Variants in PREP observed in about 807,000 individuals in gnomAD.
PREP encodes the protein dJ355L5.1 (prolyl endopeptidase).
In PREP, 29 loss-of-function variants were observed where a neutral mutation model predicts 87.6. That is an observed-to-expected ratio of 0.33 (90% CI 0.25 to 0.45). PREP has a LOEUF of 0.45. PREP is among the 20% of genes least tolerant of loss of function. PREP has a pLI of 1.00. For missense variants in PREP, 695 were observed against 886.5 expected (o/e 0.78, Z 2.74); for synonymous variants, 337 against 328.6 (o/e 1.03, Z -0.28).
intron 7 of PREP, among the ~76,000 whole-genome samples, chr6:105,344,239 C>T (rs1420410439): frequency 2.0e-5 from 3 of 152,070 alleles, no homozygotes; most frequent in Admixed American, 6.5e-5. Flanking sequence ...GCCTGTAATC[C>T]CAGCACTTTG....
At chr6:105,293,329 A>G (rs1229973916) in intron 10 of PREP, among the ~76,000 whole-genome samples, 1 of 152,182 alleles carries the variant, frequency 6.6e-6, no homozygotes, top group African/African-American at 2.4e-5. Context: ...GAGACAGGAA[A>G]TGGTCAGTGG....
At chr6:105,291,498 A>G (rs1321256699) in intron 10 of PREP, among the ~76,000 whole-genome samples, 1 of 152,176 alleles carries the variant, frequency 6.6e-6, no homozygotes, top group African/African-American at 2.4e-5. Flanking sequence ...GCACAATCTA[A>G]TCAGCTTCTA....
intron 7 of PREP, among the ~76,000 whole-genome samples, chr6:105,344,360 C>T (rs1196350843): frequency 1.1e-4 from 16 of 151,958 alleles, no homozygotes; most frequent in Non-Finnish European, 2.1e-4. Flanking sequence ...GGCGTGGTGG[C>T]GGGCGCCTGT....
chr6:105,295,309 G>A (rs887723906), intron 10 of PREP, among the ~76,000 whole-genome samples: 6 of 151,680 alleles, frequency 4.0e-5, no homozygotes, highest in African/African-American at 1.5e-4. Context: ...AAGGAGGATC[G>A]CCCTGTCTTG....
chr6:105,350,443 T>C lies in PREP; in HGVS notation c.823+2529A>G, dbSNP rs1025677546. 1.6e-4 allele frequency among the ~76,000 whole-genome samples: 24 copies of C among 152,186 alleles called. 1 individual carries two copies. Among genetic ancestry groups the C allele is most frequent in the African/African-American group, 5.3e-4 (22 of 41,448 alleles). ...TCAAATCTGATTTGAAAGGCTGTGG[T>C]TATTATCCCAATATATCCAACTGTA... On this transcript the variant is annotated intron_variant, in intron 7 of 14. Transcript: ENST00000652536.
At chr6:105,304,319 A>G (rs991514261) in intron 10 of PREP, among the ~76,000 whole-genome samples, 1 of 152,230 alleles carries the variant, frequency 6.6e-6, no homozygotes, top group African/African-American at 2.4e-5. Flanking sequence ...AGATTTCGGT[A>G]TCCACAGGGT....
rs1174198579 is a variant in PREP, at chr6:105,273,504, A to T, written c.*4640T>A. 1 of 152,106 alleles carries T rather than the reference A, an allele frequency of 6.6e-6. No homozygotes were observed. The highest frequency in any genetic ancestry group is 1.5e-5 in the Non-Finnish European group (1 of 68,020). The allele number at this position is 152,106 out of a possible 1,614,324, so 9.4% of individuals were successfully genotyped here. A position where few individuals can be genotyped will look rare whatever the true frequency, so the allele number is the denominator to read the frequency against. On this transcript the variant is annotated 3_prime_UTR_variant, in exon 15 of 15. Transcript: ENST00000652536. ...TTTTCAGGATATTTCACTTAATCAGACTATACCCAGTCATTTGTGTCTGGC... is the reference window on the plus strand; with the variant it reads ...TTTTCAGGATATTTCACTTAATCAGTCTATACCCAGTCATTTGTGTCTGGC...
chr6:105,307,384 T>C (rs572503993), intron 10 of PREP, among the ~76,000 whole-genome samples: 40 of 152,232 alleles, frequency 2.6e-4, no homozygotes, highest in Non-Finnish European at 4.7e-4. Context: ...TGCTTCTCCT[T>C]CTCCAGGTTC....
rs548395299 is a variant in PREP at position 105,326,420 on chromosome 6, A to C, written c.1213+2409T>G. 1.2e-4 allele frequency among the ~76,000 whole-genome samples: 19 copies of C among 152,322 alleles called. No individual in the cohort carries two copies. The South Asian group carries it at 3.3e-3, about 27-fold the overall frequency. On this transcript the variant is annotated intron_variant, in intron 9 of 14. Transcript: ENST00000652536. ...CAAATGTGACTCAAGGTGCCAAAGTAAGTCATAAATGGCTTGGGCTCAAGA... is the reference window on the plus strand; with the variant it reads ...CAAATGTGACTCAAGGTGCCAAAGTCAGTCATAAATGGCTTGGGCTCAAGA...
intron 12 of PREP, among the ~76,000 whole-genome samples, chr6:105,282,893 G>T (rs559308748): frequency 6.6e-5 from 10 of 152,318 alleles, no homozygotes; most frequent in African/African-American, 2.4e-4. Flanking sequence ...AAGGATAGAA[G>T]CATGGCATCA....
At chr6:105,292,399 T>C (rs1770314593) in intron 10 of PREP, among the ~76,000 whole-genome samples, 2 of 152,192 alleles carry the variant, frequency 1.3e-5, no homozygotes, top group Non-Finnish European at 2.9e-5. Flanking sequence ...TCAGAGTTCT[T>C]GGGTGACTAG....
intron 1 of PREP, among the ~76,000 whole-genome samples, chr6:105,399,988 C>T (rs1210759901): frequency 6.6e-6 from 1 of 152,208 alleles, no homozygotes; most frequent in African/African-American, 2.4e-5. Flanking sequence ...GCCCTATCTG[C>T]CCAGACCGGG....
intron 10 of PREP, among the ~76,000 whole-genome samples, chr6:105,309,346 A>G (rs561178230): frequency 1.4e-3 from 208 of 152,238 alleles, no homozygotes; most frequent in Non-Finnish European, 2.3e-3. Context: ...ATCAAGAATG[A>G]TATAAATCAT....
intron 8 of PREP, 125 bp downstream of exon 8, chr6:105,333,189 C>A: frequency 1.2e-6 from 1 of 866,506 alleles, no homozygotes; most frequent in Non-Finnish European, 1.8e-6. Context: ...ACACTTCATT[C>A]CTGATGATTA....
chr6:105,363,610 C>A (rs1772307529), intron 6 of PREP, among the ~76,000 whole-genome samples: 1 of 152,210 alleles, frequency 6.6e-6, no homozygotes, highest in Non-Finnish European at 1.5e-5. Context: ...ATGTGGGAGG[C>A]TTCCCGAGGT....
Position 105,278,174 on chromosome 6 carries a change from C to T in PREP, c.2103G>A (p.Ala701=), listed in dbSNP as rs554023510. ...GAATCCAGTCGACGTTCAGGCACCGCGCGATGAACGCAAACATGTCTGAGA... is the reference window on the plus strand; with the variant it reads ...GAATCCAGTCGACGTTCAGGCACCGTGCGATGAACGCAAACATGTCTGAGA... ...EEVSDMFAFI[A]RCLNVDWIP The change falls in exon 15 of 15, where the codon GCG becomes GCA. Residue 701 remains alanine (A), a synonymous_variant. Transcript: ENST00000652536. This position sits in a 1 kb window ranked among gnomAD's most constrained non-coding sequence, Gnocchi z 4.2. The T allele has an allele frequency of 3.0e-5, 48 of 1,613,336 alleles. No individual in the cohort carries two copies. Among genetic ancestry groups the T allele is most frequent in the South Asian group, 5.5e-5 (5 of 91,054 alleles).
At chr6:105,357,693 C>A (rs879489832) in intron 6 of PREP, among the ~76,000 whole-genome samples, 2 of 152,100 alleles carry the variant, frequency 1.3e-5, no homozygotes, top group Non-Finnish European at 2.9e-5. Context: ...TTAATGACAG[C>A]CCCACACCCA....
chr6:105,356,634 C>T (rs1192882354), intron 6 of PREP, among the ~76,000 whole-genome samples: 2 of 152,114 alleles, frequency 1.3e-5, no homozygotes, highest in Admixed American at 1.3e-4. Flanking sequence ...CCTCCTTGTG[C>T]CAGAGGCCAA....
intron 4 of PREP, among the ~76,000 whole-genome samples, chr6:105,374,085 T>C (rs1039005321): frequency 6.6e-6 from 1 of 152,210 alleles, no homozygotes; most frequent in African/African-American, 2.4e-5. Flanking sequence ...TTTGAAGCAT[T>C]ACCTGTGCAA....
Sources: allele counts gnomAD v4.1 joint callset (sites outside exome capture counted in the v4.1 genomes callset), GRCh38; gene constraint gnomAD v4.1.1; non-coding constraint Gnocchi (gnomAD v3.1); transcripts MANE v1.5; gene names NCBI Gene and HGNC (gene_info 2026-07-23, HGNC 2026-07-21).